Variants in OCA2 observed in about 807,000 individuals in gnomAD.
OCA2 encodes the protein P protein.
OCA2 carries 77 observed loss-of-function variants against 100.2 expected under a neutral mutation model. That is an observed-to-expected ratio of 0.77 (90% CI 0.64 to 0.93). The LOEUF (loss-of-function observed/expected upper bound fraction) is 0.93, where lower values mean the gene tolerates loss of function less well. Ranked by LOEUF, OCA2 falls within the 40% of genes least tolerant of loss-of-function variation. The pLI is 0.00. For missense variants in OCA2, 1,062 were observed against 1,089.1 expected (o/e 0.98, Z 0.35); for synonymous variants, 432 against 439.2 (o/e 0.98, Z 0.21).
At chr15:27,874,505 T>C (rs891424263) in intron 19 of OCA2, among the ~76,000 whole-genome samples, 3 of 152,168 alleles carry the variant, frequency 2.0e-5, no homozygotes, top group African/African-American at 7.2e-5. Flanking sequence ...GATGAAGTGA[T>C]GAGATTATAG....
intron 19 of OCA2, among the ~76,000 whole-genome samples, chr15:27,886,063 C>A (rs905239964): frequency 6.6e-6 from 1 of 152,162 alleles, no homozygotes; most frequent in Admixed American, 6.6e-5. Flanking sequence ...GAGAGGTGAA[C>A]CACCACCAGC....
chr15:27,919,546 A>G (rs2038786032), intron 19 of OCA2, among the ~76,000 whole-genome samples: 1 of 152,214 alleles, frequency 6.6e-6, no homozygotes, highest in Admixed American at 6.5e-5. Context: ...GTGCTCTTCC[A>G]ATTATAAGAC....
chr15:28,016,354 C>T (rs2042393719), intron 7 of OCA2, among the ~76,000 whole-genome samples, 168 bp from the exon 8 acceptor site: 1 of 152,164 alleles, frequency 6.6e-6, no homozygotes, highest in Non-Finnish European at 1.5e-5. Flanking sequence ...GGAGCTAGTG[C>T]AGGTGGTTGG....
chr15:27,811,761 A>G (rs1352972748), intron 23 of OCA2, among the ~76,000 whole-genome samples: 1 of 152,180 alleles, frequency 6.6e-6, no homozygotes, highest in Non-Finnish European at 1.5e-5. Context: ...AACATGGCCA[A>G]GCTACATAAG....
chr15:28,003,806 A>T (rs1007597821), intron 9 of OCA2, among the ~76,000 whole-genome samples: 1 of 152,148 alleles, frequency 6.6e-6, no homozygotes, highest in Non-Finnish European at 1.5e-5. Context: ...CGCGTCCTCG[A>T]TCTGGGTGCT....
At chr15:28,095,083 C>T (rs2044948263) in intron 1 of OCA2, among the ~76,000 whole-genome samples, 1 of 152,242 alleles carries the variant, frequency 6.6e-6, no homozygotes, top group Non-Finnish European at 1.5e-5. Context: ...TGCCGGCGCT[C>T]AAGCTAGGCC....
intron 15 of OCA2, 111 bp downstream of exon 15, chr15:27,966,579 G>A (rs755999491): frequency 7.5e-6 from 9 of 1,205,746 alleles, no homozygotes; most frequent in Non-Finnish European, 1.1e-5. Flanking sequence ...CACTGGTATT[G>A]AGCATCCAGC....
At chr15:28,087,370 C>T (rs1160088688) in intron 1 of OCA2, among the ~76,000 whole-genome samples, 1 of 152,076 alleles carries the variant, frequency 6.6e-6, no homozygotes, top group Non-Finnish European at 1.5e-5. Flanking sequence ...AGCAGACCTA[C>T]CCTGAAAGAA....
At chr15:27,772,016 C>G (rs1227715690) in intron 23 of OCA2, among the ~76,000 whole-genome samples, 1 of 152,274 alleles carries the variant, frequency 6.6e-6, no homozygotes, top group African/African-American at 2.4e-5. Context: ...AGACATTATT[C>G]CCAAGCACAG....
At chr15:28,032,655 A>C (rs1237003903) in intron 2 of OCA2, among the ~76,000 whole-genome samples, 1 of 151,762 alleles carries the variant, frequency 6.6e-6, no homozygotes, top group Non-Finnish European at 1.5e-5. Context: ...TTAGCCAGGC[A>C]TAGTGGTGGG....
chr15:27,731,302 T>C, the OCA2 span, among the ~76,000 whole-genome samples: 23 of 152,260 alleles, frequency 1.5e-4, no homozygotes, highest in South Asian at 3.5e-3. Flanking sequence ...CTCGAATTTA[T>C]AGTACTTATT....
chr15:27,983,586 C>A lies in OCA2; in HGVS notation c.1365-103G>T. 5.0e-6 allele frequency: 6 copies of A among 1,196,670 alleles called. No homozygotes were observed. The Admixed American group carries it at 8.7e-5, about 17-fold the overall frequency. 74.1% of individuals were successfully genotyped at this position (1,196,670 alleles called of 1,614,324 possible). On this transcript the variant is annotated intron_variant, in intron 13 of 23. Transcript: ENST00000354638. Reference sequence around the variant, plus strand: ...AAGGCGCTTGCTCGTATAAGGGAGGCGCGCACACACACACACCCCTGTGGG... The same window carrying A: ...AAGGCGCTTGCTCGTATAAGGGAGGAGCGCACACACACACACCCCTGTGGG...
chr15:27,995,969 T>C (rs1457703775), intron 9 of OCA2, among the ~76,000 whole-genome samples: 1 of 152,016 alleles, frequency 6.6e-6, no homozygotes, highest in African/African-American at 2.4e-5. Flanking sequence ...AGCACCACCA[T>C]GCCTGACTAA....
At chr15:27,788,402 T>C (rs895659060) in intron 23 of OCA2, among the ~76,000 whole-genome samples, 3 of 152,112 alleles carry the variant, frequency 2.0e-5, no homozygotes, top group Admixed American at 6.5e-5. Context: ...ACAGTTGTTA[T>C]ATCATCCTGA....
intron 23 of OCA2, among the ~76,000 whole-genome samples, chr15:27,840,112 T>C (rs958347253): frequency 6.6e-6 from 1 of 151,908 alleles, no homozygotes; most frequent in Non-Finnish European, 1.5e-5. Context: ...TAAACACTTA[T>C]GGCAAATAAA....
chr15:27,922,811 A>G (rs1236599820), intron 19 of OCA2, among the ~76,000 whole-genome samples: 1 of 151,552 alleles, frequency 6.6e-6, no homozygotes, highest in Non-Finnish European at 1.5e-5. Flanking sequence ...GGTTCAAAGG[A>G]CAATTTTTTT....
At chr15:27,866,517 A>G (rs2036330691) in intron 21 of OCA2, among the ~76,000 whole-genome samples, 1 of 152,212 alleles carries the variant, frequency 6.6e-6, no homozygotes, top group Non-Finnish European at 1.5e-5. Context: ...CAGTTAGTTC[A>G]CTTTCCTATT....
At chr15:27,924,560 A>G (rs992517217) in intron 19 of OCA2, among the ~76,000 whole-genome samples, 9 of 152,326 alleles carry the variant, frequency 5.9e-5, no homozygotes, top group African/African-American at 2.2e-4. Flanking sequence ...ACTGGAACAC[A>G]ATGTCTGTAT....
At position 27,985,164 on chromosome 15, in the gene OCA2, C is replaced by T. The variant is rs2041310097; in HGVS notation, c.1264G>A (p.Val422Met). 1 of 1,613,870 alleles carries T rather than the reference C, an allele frequency of 6.2e-7. No individual in the cohort carries two copies. Among genetic ancestry groups the T allele is most frequent in the Non-Finnish European group, 8.5e-7 (1 of 1,179,968 alleles). Residue 422 changes from valine (V) to methionine (M), a missense_variant, in exon 13 of 24, where the codon GTG becomes ATG. Coordinates refer to ENST00000354638, the MANE Select transcript of OCA2 (RefSeq NM_000275.3). Reference protein sequence around the residue: ...VKAYRLSRGRVWAMIIMLCLI... With the variant: ...VKAYRLSRGRMWAMIIMLCLI... ...CAGAGCATGATGATCATGGCCCACACCCGTCCCCGGGAGAGCCGGTATGCC... is the reference window on the plus strand; with the variant it reads ...CAGAGCATGATGATCATGGCCCACATCCGTCCCCGGGAGAGCCGGTATGCC...
Sources: allele counts gnomAD v4.1 joint callset (sites outside exome capture counted in the v4.1 genomes callset), GRCh38; gene constraint gnomAD v4.1.1; transcripts MANE v1.5; gene names NCBI Gene and HGNC (gene_info 2026-07-23, HGNC 2026-07-21).